The following CNTN5 variants were observed in gnomAD, a reference collection of about 807,000 sequenced individuals.
CNTN5 encodes the protein contactin 5, also known as contactin-5.
A neutral mutation model predicts 129.1 loss-of-function variants in CNTN5; 77 were observed. That is an observed-to-expected ratio of 0.60 (90% confidence interval 0.50 to 0.72). The LOEUF is 0.72. CNTN5 is among the 30% of genes least tolerant of loss of function. CNTN5 has a pLI of 0.00. For synonymous variants in CNTN5, 509 were observed against 465.6 expected (o/e 1.09, Z -1.20); for missense variants, 1,478 against 1,328.8 (o/e 1.11, Z -1.75).
Position 100,187,321 on chromosome 11 carries a change from T to A in CNTN5, c.1581-3805T>A, listed in dbSNP as rs187425691. Among the ~76,000 whole-genome samples, 6 of 152,166 alleles carry A rather than the reference T, an allele frequency of 3.9e-5. No individual in the cohort carries two copies. In the East Asian group the frequency reaches 1.2e-3, roughly 30 times the overall value. ...GGGTTTTCTAGGTATAGAATCAGAT[T>A]GTCAGCAAAGCTGGAAAAATCAGTA... On this transcript the variant is annotated intron_variant, in intron 13 of 24. Coordinates refer to ENST00000524871, the MANE Select transcript of CNTN5 (RefSeq NM_014361.4).
rs142074749 is a variant in CNTN5, at chr11:99,210,388, G to C, written c.-209-114958G>C. Among the ~76,000 whole-genome samples the C allele has an allele frequency of 1.3e-3, 196 of 151,972 alleles. 1 individual carries two copies. Among genetic ancestry groups the C allele is most frequent in the African/African-American group, 4.4e-3 (184 of 41,440 alleles). On this transcript the variant is annotated intron_variant, in intron 1 of 24. Transcript: ENST00000524871. Reference sequence around the variant, plus strand: ...ACTGATTTTAGAGGTCATTTAGTTGGGGAAAGAAAATGTATATCACTTCAT... The same window carrying C: ...ACTGATTTTAGAGGTCATTTAGTTGCGGAAAGAAAATGTATATCACTTCAT...
At chr11:99,695,179 A>G (rs1954216923) in intron 3 of CNTN5, among the ~76,000 whole-genome samples, 1 of 152,044 alleles carries the variant, frequency 6.6e-6, no homozygotes, top group South Asian at 2.1e-4. Context: ...AAATAAGTAG[A>G]TCATCTAGAA....
At chr11:99,679,841 G>A (rs1953473960) in intron 3 of CNTN5, among the ~76,000 whole-genome samples, 1 of 152,192 alleles carries the variant, frequency 6.6e-6, no homozygotes, top group Non-Finnish European at 1.5e-5. Flanking sequence ...CAGGCTGTGA[G>A]TGCAAAGGAA....
In CNTN5 at chr11:100,319,992, T is replaced by C. The variant is rs201152804; in HGVS notation, c.2730+11524T>C. On this transcript the variant is annotated intron_variant, in intron 21 of 24. Coordinates refer to ENST00000524871, the MANE Select transcript of CNTN5 (RefSeq NM_014361.4). ...ACAAGATATGATTCCATATGTTGGC[T>C]ATCGTGAATAGTGTTGCAATGAACA... Among the ~76,000 whole-genome samples the C allele has an allele frequency of 2.0e-5, 3 of 152,372 alleles. No homozygotes were observed. The East Asian group carries it at 5.8e-4, about 29-fold the overall frequency.
chr11:99,354,890 C>A (rs990818115), intron 2 of CNTN5, among the ~76,000 whole-genome samples: 1 of 152,192 alleles, frequency 6.6e-6, no homozygotes, highest in Non-Finnish European at 1.5e-5. Context: ...AGAAAATTCA[C>A]AATCTACAGT....
chr11:99,285,038 A>AT (rs1863872576), intron 1 of CNTN5, among the ~76,000 whole-genome samples: 1 of 152,082 alleles, frequency 6.6e-6, no homozygotes, highest in East Asian at 1.9e-4. Context: ...AAAATGTAAA[A>AT]TTTTTGTAGT....
At chr11:99,852,135 T>G (rs960737329) in intron 6 of CNTN5, among the ~76,000 whole-genome samples, 1 of 152,180 alleles carries the variant, frequency 6.6e-6, no homozygotes, top group African/African-American at 2.4e-5. Context: ...GTTTGTAACT[T>G]TATCTTCCAT....
intron 2 of CNTN5, among the ~76,000 whole-genome samples, chr11:99,330,343 T>A (rs1413791027): frequency 6.6e-6 from 1 of 151,766 alleles, no homozygotes; most frequent in Non-Finnish European, 1.5e-5. Context: ...GGCATTAATA[T>A]TTGCATTCTC....
intron 13 of CNTN5, among the ~76,000 whole-genome samples, chr11:100,166,141 G>A (rs1407138240): frequency 1.3e-5 from 2 of 151,710 alleles, no homozygotes; most frequent in Non-Finnish European, 2.9e-5. Context: ...CAAATGGTAC[G>A]TGATGCATGG....
chr11:99,747,080 C>A (rs1274969296), intron 3 of CNTN5, among the ~76,000 whole-genome samples: 1 of 152,086 alleles, frequency 6.6e-6, no homozygotes, highest in South Asian at 2.1e-4. Flanking sequence ...TTTATTTGTG[C>A]CTTTTTCAAT....
At chr11:99,267,771 A>G (rs983188177) in intron 1 of CNTN5, among the ~76,000 whole-genome samples, 4 of 152,024 alleles carry the variant, frequency 2.6e-5, no homozygotes, top group African/African-American at 9.7e-5. Context: ...GCACTAACAC[A>G]TTGCAGTGTA....
Position 100,341,681 on chromosome 11 carries a change from CAG to C in CNTN5, c.3030+479_3030+480del, listed in dbSNP as rs1246948954. Among the ~76,000 whole-genome samples, 3 of 152,172 alleles carry C rather than the reference CAG, an allele frequency of 2.0e-5. No individual in the cohort carries two copies. The East Asian group carries it at 5.8e-4, about 29-fold the overall frequency. On this transcript the variant is annotated intron_variant, in intron 23 of 24. Coordinates refer to ENST00000524871, the MANE Select transcript of CNTN5 (RefSeq NM_014361.4). ...GGGAGAGACACAGCAAGCTCCAAAA[CAG>C]AGCCAACATTCACATACAGTCATTC...
chr11:99,998,991 A>C (rs1477609930), intron 8 of CNTN5, among the ~76,000 whole-genome samples: 1 of 152,120 alleles, frequency 6.6e-6, no homozygotes. Flanking sequence ...CTTACACCTT[A>C]TACAAAAATT....
Position 99,314,827 on chromosome 11 carries a change from T to G in CNTN5, c.-209-10519T>G, listed in dbSNP as rs1260666678. ...TAACACTTTAAGATGGATGCTCTAGTAGGATGTGAAAAAGATATAGTGGGA... is the reference window on the plus strand; with the variant it reads ...TAACACTTTAAGATGGATGCTCTAGGAGGATGTGAAAAAGATATAGTGGGA... On this transcript the variant is annotated intron_variant, in intron 1 of 24. Transcript: ENST00000524871. 1.4e-5 allele frequency among the ~76,000 whole-genome samples: 2 copies of G among 140,934 alleles called. 1 individual carries two copies. The allele number at this position is 140,934 out of a possible 152,430, so 92.5% of individuals were successfully genotyped here.
intron 3 of CNTN5, among the ~76,000 whole-genome samples, chr11:99,710,264 G>A (rs1377029717): frequency 6.6e-6 from 1 of 151,718 alleles, no homozygotes; most frequent in East Asian, 1.9e-4. Flanking sequence ...AGAATCCTAT[G>A]CACTGCACGT....
intron 15 of CNTN5, 56 bp from the exon 16 acceptor site, chr11:100,224,636 A>T (rs1354020131): frequency 4.5e-6 from 7 of 1,562,120 alleles, no homozygotes; most frequent in Admixed American, 1.7e-5. Context: ...CCCTTAAGCC[A>T]CCTTGAACTA....
chr11:100,204,498 C>T (rs996440545), intron 15 of CNTN5, among the ~76,000 whole-genome samples: 1 of 149,550 alleles, frequency 6.7e-6, no homozygotes, highest in East Asian at 2.0e-4. Context: ...AGAAGAGAGA[C>T]AGGCTCTCAC....
At chr11:99,877,627 A>C (rs993662594) in intron 6 of CNTN5, among the ~76,000 whole-genome samples, 24 of 152,302 alleles carry the variant, frequency 1.6e-4, no homozygotes, top group African/African-American at 5.8e-4. Context: ...AAAAATAAGG[A>C]AAGTGCTGTT....
intron 3 of CNTN5, among the ~76,000 whole-genome samples, chr11:99,565,655 T>C (rs1948980226): frequency 6.6e-6 from 1 of 152,208 alleles, no homozygotes. Context: ...TGAAAAATGA[T>C]TTACTACTCC....
Sources: allele counts gnomAD v4.1 joint callset (sites outside exome capture counted in the v4.1 genomes callset), GRCh38; gene constraint gnomAD v4.1.1; transcripts MANE v1.5; gene names NCBI Gene and HGNC (gene_info 2026-07-23, HGNC 2026-07-21).